FZD6: variants seen among roughly 807,000 people sequenced by gnomAD.
FZD6 encodes frizzled-6.
A neutral mutation model predicts 61.4 loss-of-function variants in FZD6; 49 were observed. The observed-to-expected ratio is 0.80, with a 90% CI of 0.63 to 1.01. FZD6 has a LOEUF of 1.01. Among genes scored for constraint, FZD6 ranks in the 50% least tolerant of loss-of-function variants. FZD6 has a pLI of 0.00. For missense variants in FZD6, 724 were observed against 848.2 expected, an observed-to-expected ratio of 0.85 and a Z score of 1.82; for synonymous variants, 265 against 292.2, an observed-to-expected ratio of 0.91 and a Z score of 0.95.
chr8:103,326,060 A>G (rs572844786), intron 4 of FZD6, among the ~76,000 whole-genome samples: 12 of 152,182 alleles, frequency 7.9e-5, no homozygotes, highest in Non-Finnish European at 1.8e-4. Flanking sequence ...TAAAATTAAT[A>G]AAAGTAAATT....
At chr8:103,331,119 G>A (rs1291799378) in intron 6 of FZD6, among the ~76,000 whole-genome samples, 1 of 152,182 alleles carries the variant, frequency 6.6e-6, no homozygotes, top group Non-Finnish European at 1.5e-5. Context: ...GGAGGTTGCA[G>A]TGAGCTGAGA....
Position 103,321,630 on chromosome 8 carries a change from G to A in FZD6, c.374+2844G>A, listed in dbSNP as rs3824229. 2.6e-5 allele frequency among the ~76,000 whole-genome samples: 4 copies of A among 152,316 alleles called. No individual in the cohort carries two copies. In the East Asian group the frequency reaches 7.7e-4, roughly 29 times the overall value. On this transcript the variant is annotated intron_variant, in intron 3 of 6. Transcript: ENST00000358755. ...GGTTATGGCATGCATTAGGCTCTTG[G>A]TTCCCCAGGAGAATGCCTTTGCCTT... is the stretch of plus-strand genomic sequence containing the variant.
In FZD6 at chr8:103,324,730, T is replaced by A; in HGVS notation, c.624T>A (p.Phe208Leu). The A allele has an allele frequency of 6.2e-7, 1 of 1,614,134 alleles. No individual in the cohort carries two copies. Among genetic ancestry groups the A allele is most frequent in the Non-Finnish European group, 8.5e-7 (1 of 1,179,968 alleles). ...GTTTTATTGGAACAGTTTCAATATTTTGTCTTTGTGCAACTCTGTTCACAT... is the reference window on the plus strand; with the variant it reads ...GTTTTATTGGAACAGTTTCAATATTATGTCTTTGTGCAACTCTGTTCACAT... ...AKSFIGTVSI[F>L]CLCATLFTFL... The change falls in exon 4 of 7, where the codon TTT becomes TTA. Residue 208 changes from phenylalanine (F) to leucine (L), a missense_variant. Phe to Leu is a conservative substitution (Grantham distance 22). Coordinates refer to ENST00000358755, the MANE Select transcript of FZD6 (RefSeq NM_003506.4).
chr8:103,329,650 TATAGTCC>T lies in FZD6; in HGVS notation c.1542-3_1545del. The T allele has an allele frequency of 6.3e-7, 1 of 1,594,804 alleles. No individual in the cohort carries two copies. Among genetic ancestry groups the T allele is most frequent in the Non-Finnish European group, 8.6e-7 (1 of 1,162,726 alleles). ...AGTAAATCCTCTCCTTCAATTTTCT[TATAGTCC>T]AATCAGTGAAAGTCGAAGAGTACTA... On this transcript the variant is annotated splice_acceptor_variant and splice_polypyrimidine_tract_variant and coding_sequence_variant and intron_variant, in exon 6 of 7. Coordinates refer to ENST00000358755, the MANE Select transcript of FZD6 (RefSeq NM_003506.4). LOFTEE classifies it high-confidence loss of function.
intron 2 of FZD6, among the ~76,000 whole-genome samples, chr8:103,315,045 A>G (rs1035793371): frequency 2.6e-5 from 4 of 152,132 alleles, no homozygotes; most frequent in Admixed American, 1.3e-4. Context: ...CAAAGCTTAT[A>G]GGGAGCCCTT....
intron 3 of FZD6, among the ~76,000 whole-genome samples, chr8:103,322,032 C>T (rs1300438378): frequency 1.3e-5 from 2 of 152,138 alleles, no homozygotes; most frequent in African/African-American, 4.8e-5. Flanking sequence ...TGTGATTTAT[C>T]AGAGGCCTTT....
intron 3 of FZD6, among the ~76,000 whole-genome samples, chr8:103,320,602 A>T (rs1244727551): frequency 6.6e-6 from 1 of 151,854 alleles, no homozygotes; most frequent in Admixed American, 6.6e-5. Flanking sequence ...TTTTTTTTTT[A>T]AAGGCATAAT....
chr8:103,306,675 T>C (rs558563621), intron 2 of FZD6, among the ~76,000 whole-genome samples: 1 of 151,822 alleles, frequency 6.6e-6, no homozygotes, highest in East Asian at 1.9e-4. Context: ...GCTAATTTTT[T>C]TGTATTTTTT....
At position 103,332,542 on chromosome 8, in the gene FZD6, T is replaced by C. The variant is rs1300976804; in HGVS notation, c.*1033T>C. The stretch of plus-strand genomic sequence containing the variant: ...AGTGTGATAGCGATATTAGTGCCAA[T>C]CAAATGGAAAAAAGGTAGTTTTAAT... On this transcript the variant is annotated 3_prime_UTR_variant, in exon 7 of 7. Coordinates refer to ENST00000358755, the MANE Select transcript of FZD6 (RefSeq NM_003506.4). 6.6e-6 allele frequency: 1 copy of C among 152,316 alleles called. No individual in the cohort carries two copies. The allele number at this position is 152,316 out of a possible 1,614,324, so 9.4% of individuals were successfully genotyped here.
At chr8:103,298,758 G>A (rs1274608714), upstream of FZD6, 2 of 148,350 alleles carry the variant, frequency 1.3e-5, no homozygotes, top group African/African-American at 2.5e-5. Flanking sequence ...GGCGGTGCCC[G>A]GGCGCAGGGC....
chr8:103,304,391 A>G (rs186344088), intron 2 of FZD6, among the ~76,000 whole-genome samples: 1 of 152,346 alleles, frequency 6.6e-6, no homozygotes, highest in African/African-American at 2.4e-5. Flanking sequence ...TGGAAATGCA[A>G]GCTCACAGAC....
chr8:103,317,096 G>T (rs1382262371), intron 2 of FZD6, among the ~76,000 whole-genome samples: 1 of 152,220 alleles, frequency 6.6e-6, no homozygotes, highest in Non-Finnish European at 1.5e-5. Context: ...GATAGGATGG[G>T]CAGGAATGCC....
Position 103,309,850 on chromosome 8 carries a change from C to A in FZD6, c.178-8740C>A, listed in dbSNP as rs975244772. Reference sequence around the variant, plus strand: ...TCTTAGCCCCATCTAAAATTGTATTCTTTCCTCTTCAATTCGTAACCCTCA... The same window carrying A: ...TCTTAGCCCCATCTAAAATTGTATTATTTCCTCTTCAATTCGTAACCCTCA... On this transcript the variant is annotated intron_variant, in intron 2 of 6. Transcript: ENST00000358755. Among the ~76,000 whole-genome samples the A allele has an allele frequency of 2.0e-5, 3 of 152,154 alleles. No individual in the cohort carries two copies. The East Asian group carries it at 5.8e-4, about 29-fold the overall frequency.
chr8:103,307,338 G>A (rs929467241), intron 2 of FZD6, among the ~76,000 whole-genome samples: 24 of 152,050 alleles, frequency 1.6e-4, no homozygotes, highest in African/African-American at 5.6e-4. Context: ...TCCTTTCCCT[G>A]TATATTTCAC....
In FZD6 at chr8:103,299,936, C is replaced by A; in HGVS notation, c.-152-20C>A. The A allele has an allele frequency of 1.7e-6, 1 of 590,780 alleles. No individual in the cohort carries two copies. Among genetic ancestry groups the A allele is most frequent in the South Asian group, 1.9e-5 (1 of 51,500 alleles). 36.6% of individuals were successfully genotyped at this position (590,780 alleles called of 1,614,324 possible). ...GTTTATGACAAATGTTGCTGATACACCCTCCTTTTGTTTTTACAGTAATTG... is the reference window on the plus strand; with the variant it reads ...GTTTATGACAAATGTTGCTGATACAACCTCCTTTTGTTTTTACAGTAATTG... On this transcript the variant is annotated intron_variant, in intron 1 of 6. Transcript: ENST00000358755.
chr8:103,298,533 T>C (rs1394811349), upstream of FZD6: 5 of 152,242 alleles, frequency 3.3e-5, no homozygotes, highest in Non-Finnish European at 7.3e-5. Flanking sequence ...TGGGTTCTTT[T>C]AGAGCCAGCG....
At position 103,331,471 on chromosome 8, in the gene FZD6, A is replaced by G. The variant is rs1815129627; in HGVS notation, c.2083A>G (p.Arg695Gly). ...SLLVHPVSGV[R>G]KEQGGGCHSD... is the part of the protein sequence containing the mutation. Reference sequence around the variant, plus strand: ...GCTTGTTCACCCGGTTTCAGGAGTGAGAAAAGAGCAGGGAGGTGGTTGTCA... The same window carrying G: ...GCTTGTTCACCCGGTTTCAGGAGTGGGAAAAGAGCAGGGAGGTGGTTGTCA... Residue 695 changes from arginine to glycine, a missense_variant, in exon 7 of 7, where the codon AGA becomes GGA. Transcript: ENST00000358755. The G allele has an allele frequency of 6.2e-7, 1 of 1,612,460 alleles. No homozygotes were observed. The highest frequency in any genetic ancestry group is 1.7e-5 in the Admixed American group (1 of 59,998).
intron 3 of FZD6, among the ~76,000 whole-genome samples, chr8:103,321,905 C>A (rs1163016308): frequency 6.6e-6 from 1 of 152,160 alleles, no homozygotes; most frequent in African/African-American, 2.4e-5. Context: ...TCTGTGGAAT[C>A]TAATTTTCTG....
chr8:103,316,475 T>C (rs189175119), intron 2 of FZD6, among the ~76,000 whole-genome samples: 1 of 152,316 alleles, frequency 6.6e-6, no homozygotes, highest in East Asian at 1.9e-4. Context: ...TCCCATATTA[T>C]TTTCCTTCCT....
Sources: allele counts gnomAD v4.1 joint callset (sites outside exome capture counted in the v4.1 genomes callset), GRCh38; gene constraint gnomAD v4.1.1; transcripts MANE v1.5; gene names NCBI Gene and HGNC (gene_info 2026-07-23, HGNC 2026-07-21).